Variants in MIPOL1 observed in about 807,000 individuals in gnomAD.
The protein encoded by MIPOL1 is mirror-image polydactyly 1, also known as mirror-image polydactyly gene 1 protein.
In MIPOL1, 57 loss-of-function variants were observed where a neutral mutation model predicts 60.9. The ratio of observed to expected loss-of-function variants is 0.94; its 90% CI spans 0.76 to 1.17. The LOEUF (loss-of-function observed/expected upper bound fraction) is 1.17, where lower values mean the gene tolerates loss of function less well. MIPOL1 is among the 50% of genes most tolerant of loss of function. The probability of loss-of-function intolerance (pLI) is 0.00; values close to 1 mark genes in which losing one functional copy is unlikely to be tolerated. For synonymous variants in MIPOL1, 179 were observed against 168.8 expected (o/e 1.06, Z -0.47); for missense variants, 551 against 511.6 (o/e 1.08, Z -0.74).
At chr14:37,512,219 C>G (rs890533018) in intron 12 of MIPOL1, among the ~76,000 whole-genome samples, 2 of 152,114 alleles carry the variant, frequency 1.3e-5, no homozygotes, top group East Asian at 3.9e-4. Context: ...TGACCAAATA[C>G]TGATTTCTGT....
At position 37,267,012 on chromosome 14, in the gene MIPOL1, A is replaced by G. The variant is rs1159818744; in HGVS notation, c.94A>G (p.Met32Val). 9 of 1,613,828 alleles carry G rather than the reference A, an allele frequency of 5.6e-6. No homozygotes were observed. The highest frequency in any genetic ancestry group is 2.2e-5 in the East Asian group (1 of 44,808). The part of the protein sequence containing the change: ...KSTQPDEQLT[M>V]NSEKSMHRKS... ...TACGCAGCCAGATGAGCAACTGACT[A>G]TGAATTCTGAGAAAAGTATGCATCG... Residue 32 changes from methionine to valine, a missense_variant, in exon 4 of 13, where the codon ATG becomes GTG. Transcript: ENST00000684589.
chr14:37,420,382 G>A (rs1291068855), intron 10 of MIPOL1, among the ~76,000 whole-genome samples: 1 of 152,036 alleles, frequency 6.6e-6, no homozygotes, highest in East Asian at 1.9e-4. Context: ...GTAAATGAAT[G>A]CATGCAGTTT....
chr14:37,378,366 C>T (rs1450607340), intron 10 of MIPOL1, among the ~76,000 whole-genome samples: 2 of 151,876 alleles, frequency 1.3e-5, no homozygotes, highest in Admixed American at 6.6e-5. Context: ...ATTGATACAC[C>T]CATGACTCAG....
intron 3 of MIPOL1, among the ~76,000 whole-genome samples, chr14:37,252,043 A>AT (rs1049244310): frequency 1.4e-4 from 22 of 151,772 alleles, no homozygotes; most frequent in African/African-American, 5.1e-4. Context: ...ATATATATAT[A>AT]TTTTTTACCA....
chr14:37,226,618 G>T (rs1969795070), intron 1 of MIPOL1, among the ~76,000 whole-genome samples: 1 of 152,172 alleles, frequency 6.6e-6, no homozygotes, highest in Admixed American at 6.5e-5. Context: ...TACAATTCAA[G>T]ATGACTTTTG....
intron 3 of MIPOL1, among the ~76,000 whole-genome samples, chr14:37,257,087 G>T (rs878855839): frequency 1.8e-5 from 2 of 111,310 alleles, no homozygotes; most frequent in African/African-American, 3.6e-5. Context: ...GGGTTTTTTG[G>T]TTTTGTTTTG....
intron 7 of MIPOL1, among the ~76,000 whole-genome samples, chr14:37,291,496 C>T (rs1395959777): frequency 1.3e-5 from 2 of 151,938 alleles, no homozygotes; most frequent in Non-Finnish European, 2.9e-5. Flanking sequence ...TTATATTTCT[C>T]TTTTCACTTT....
chr14:37,279,649 T>C (rs1436681605), intron 6 of MIPOL1, among the ~76,000 whole-genome samples: 1 of 152,074 alleles, frequency 6.6e-6, no homozygotes, highest in African/African-American at 2.4e-5. Context: ...ATAATAATCG[T>C]ATATATTATT....
chr14:37,484,811 A>G lies in MIPOL1; in HGVS notation c.1032-15097A>G, dbSNP rs192336542. 4.0e-5 allele frequency among the ~76,000 whole-genome samples: 6 copies of G among 151,892 alleles called. No homozygotes were observed. In the East Asian group the frequency reaches 1.2e-3, roughly 29 times the overall value. ...ATCCTCTGGGCTTTTCATTTCAGTT[A>G]TTGTATTTTCACTTCTAAAATTTCC... On this transcript the variant is annotated intron_variant, in intron 11 of 12. Transcript: ENST00000684589.
At chr14:37,347,404 T>G (rs138551133) in intron 9 of MIPOL1, among the ~76,000 whole-genome samples, 5 of 152,226 alleles carry the variant, frequency 3.3e-5, no homozygotes, top group African/African-American at 1.2e-4. Flanking sequence ...GAAGATAGAA[T>G]CAAGAATCTT....
intron 9 of MIPOL1, among the ~76,000 whole-genome samples, chr14:37,355,773 C>T (rs2091768740): frequency 6.6e-6 from 1 of 150,608 alleles, no homozygotes; most frequent in African/African-American, 2.4e-5. Context: ...GCTTTAAGCA[C>T]TTCTCTGTAT....
intron 10 of MIPOL1, among the ~76,000 whole-genome samples, chr14:37,392,524 T>C (rs1305426710): frequency 6.6e-6 from 1 of 152,200 alleles, no homozygotes; most frequent in East Asian, 1.9e-4. Flanking sequence ...TTCCTTTTCC[T>C]TCCTTATTGC....
At chr14:37,412,896 AG>A (rs1297239701) in intron 10 of MIPOL1, among the ~76,000 whole-genome samples, 1 of 152,174 alleles carries the variant, frequency 6.6e-6, no homozygotes, top group Admixed American at 6.6e-5. Flanking sequence ...TAATCAAGAA[AG>A]GACTTTATGT....
At chr14:37,223,362 T>C (rs907992814) in intron 1 of MIPOL1, among the ~76,000 whole-genome samples, 8 of 152,024 alleles carry the variant, frequency 5.3e-5, no homozygotes, top group African/African-American at 1.9e-4. Context: ...TGGTAGATAT[T>C]AATATTTAAT....
chr14:37,290,672 A>G (rs2084975501), intron 7 of MIPOL1, among the ~76,000 whole-genome samples: 1 of 152,222 alleles, frequency 6.6e-6, no homozygotes, highest in East Asian at 1.9e-4. Flanking sequence ...GGATTATTTG[A>G]TTCTTCCTTT....
intron 9 of MIPOL1, among the ~76,000 whole-genome samples, chr14:37,353,863 G>T (rs908438975): frequency 7.9e-5 from 12 of 151,882 alleles, no homozygotes; most frequent in African/African-American, 2.9e-4. Context: ...ACCAGCTCCT[G>T]GATTCATTAA....
At chr14:37,218,276 A>T (rs1452704122) in intron 1 of MIPOL1, among the ~76,000 whole-genome samples, 1 of 151,930 alleles carries the variant, frequency 6.6e-6, no homozygotes, top group Non-Finnish European at 1.5e-5. Context: ...CACCTCCCAG[A>T]TTCAAGCAAT....
intron 11 of MIPOL1, among the ~76,000 whole-genome samples, chr14:37,446,762 A>T (rs1232043666): frequency 1.3e-5 from 2 of 152,188 alleles, no homozygotes; most frequent in African/African-American, 4.8e-5. Context: ...TGATGAGTTC[A>T]TGTCCTTTGT....
chr14:37,342,075 A>T (rs2090610935), intron 9 of MIPOL1, among the ~76,000 whole-genome samples: 1 of 152,130 alleles, frequency 6.6e-6, no homozygotes, highest in Non-Finnish European at 1.5e-5. Context: ...AATAATATGC[A>T]TGTTGGCTGG....
Sources: allele counts gnomAD v4.1 joint callset (sites outside exome capture counted in the v4.1 genomes callset), GRCh38; gene constraint gnomAD v4.1.1; transcripts MANE v1.5; gene names NCBI Gene and HGNC (gene_info 2026-07-23, HGNC 2026-07-21).